RBM45: variants seen among roughly 807,000 people sequenced by gnomAD.
RBM45 encodes RNA-binding protein 45.
A neutral mutation model predicts 58.5 loss-of-function variants in RBM45; 39 were observed. That is an observed-to-expected ratio of 0.67 (90% CI 0.52 to 0.87). The LOEUF (loss-of-function observed/expected upper bound fraction) is 0.87, where lower values mean the gene tolerates loss of function less well. RBM45 is among the 40% of genes least tolerant of loss of function. The pLI is 0.00. For missense variants in RBM45, 481 were observed against 581.6 expected, an observed-to-expected ratio of 0.83 and a Z score of 1.78; for synonymous variants, 193 against 203.0, an observed-to-expected ratio of 0.95 and a Z score of 0.42.
At chr2:178,117,708 A>G (rs114886082) in intron 2 of RBM45, among the ~76,000 whole-genome samples, 80 of 152,336 alleles carry the variant, frequency 5.3e-4, no homozygotes, top group African/African-American at 1.7e-3. Context: ...AGAGAGAATA[A>G]GTAAACTGCC....
Position 178,112,566 on chromosome 2 carries a change from C to T in RBM45, c.20C>T (p.Ser7Phe). 6.2e-7 allele frequency: 1 copy of T among 1,613,390 alleles called. No homozygotes were observed. The highest frequency in any genetic ancestry group is 8.5e-7 in the Non-Finnish European group (1 of 1,179,844). Residue 7 changes from serine (S) to phenylalanine (F), a missense_variant, in exon 1 of 10, where the codon TCT (serine) becomes TTT (phenylalanine). Coordinates refer to ENST00000286070, the MANE Select transcript of RBM45 (RefSeq NM_152945.4). MDEAGS[S>F]ASGGGFRPGV... ...AGCACCATGGACGAAGCTGGCAGCT[C>T]TGCGAGCGGCGGGGGCTTCCGCCCG...
At chr2:178,117,094 G>GT (rs1574408540) in intron 2 of RBM45, among the ~76,000 whole-genome samples, 1 of 152,100 alleles carries the variant, frequency 6.6e-6, no homozygotes, top group Non-Finnish European at 1.5e-5. Flanking sequence ...TTGAATTGTA[G>GT]TTTTTTATCT....
Position 178,123,453 on chromosome 2 carries a change from A to G in RBM45, c.854-69A>G, listed in dbSNP as rs1456713909. On this transcript the variant is annotated intron_variant, in intron 5 of 9. Transcript: ENST00000286070. Reference sequence around the variant, plus strand: ...TTCTACATGGTTTCATTTTTGTGATAGATTGTAACATAGGCCTTAGGCACT... The same window carrying G: ...TTCTACATGGTTTCATTTTTGTGATGGATTGTAACATAGGCCTTAGGCACT... 5 of 1,456,592 alleles carry G rather than the reference A, an allele frequency of 3.4e-6. No individual in the cohort carries two copies. The Admixed American group carries it at 7.7e-5, about 23-fold the overall frequency. 90.2% of individuals were successfully genotyped at this position (1,456,592 alleles called of 1,614,324 possible).
Position 178,118,069 on chromosome 2 carries a change from C to A in RBM45, c.438C>A (p.Ile146=). The change falls in exon 3 of 10, where the codon ATC becomes ATA. Residue 146 remains isoleucine (I), a synonymous_variant. Coordinates refer to ENST00000286070, the MANE Select transcript of RBM45 (RefSeq NM_152945.4). ...AACTCTCTTAGGTGTATGGAGATATCGAGTATTGCAGCATTATTAAGAATA... is the reference window on the plus strand; with the variant it reads ...AACTCTCTTAGGTGTATGGAGATATAGAGTATTGCAGCATTATTAAGAATA... ...LREKFKVYGD[I]EYCSIIKNKV... 6.2e-7 allele frequency: 1 copy of A among 1,609,356 alleles called. No homozygotes were observed. Among genetic ancestry groups the A allele is most frequent in the Non-Finnish European group, 8.5e-7 (1 of 1,177,150 alleles).
intron 9 of RBM45, among the ~76,000 whole-genome samples, chr2:178,127,175 G>A (rs914315847): frequency 2.0e-5 from 3 of 152,016 alleles, no homozygotes; most frequent in Non-Finnish European, 2.9e-5. Context: ...CGCCCGCCTC[G>A]GCCTCCCAAA....
At chr2:178,119,528 G>GTTCAAA in intron 3 of RBM45, among the ~76,000 whole-genome samples, 1 of 152,186 alleles carries the variant, frequency 6.6e-6, no homozygotes, top group Non-Finnish European at 1.5e-5. Flanking sequence ...AAAAGTTCAA[G>GTTCAAA]GTTAGTCCGC....
At chr2:178,115,667 G>T (rs2087761631) in intron 1 of RBM45, among the ~76,000 whole-genome samples, 1 of 152,112 alleles carries the variant, frequency 6.6e-6, no homozygotes, top group Admixed American at 6.5e-5. Flanking sequence ...CCCTTTACCA[G>T]CAGTGGATCA....
intron 8 of RBM45, 80 bp downstream of exon 8, chr2:178,124,370 C>T (rs1048666474): frequency 6.6e-5 from 56 of 846,962 alleles, no homozygotes; most frequent in Admixed American, 4.6e-4. Flanking sequence ...CTTCCTTCAC[C>T]CAGTACCTAT....
chr2:178,134,377 C>T (rs1419129137), downstream of RBM45, among the ~76,000 whole-genome samples: 2 of 152,192 alleles, frequency 1.3e-5, no homozygotes, highest in Non-Finnish European at 2.9e-5. Context: ...AACCAAAGTG[C>T]TTCCCACCAA....
At chr2:178,131,431 C>T (rs1280800698), downstream of RBM45, among the ~76,000 whole-genome samples, 1 of 152,170 alleles carries the variant, frequency 6.6e-6, no homozygotes, top group Non-Finnish European at 1.5e-5. Flanking sequence ...CAGTTTTCCC[C>T]TATTAGAGTA....
chr2:178,121,089 C>A, intron 4 of RBM45, 91 bp from the exon 5 acceptor site: 1 of 650,704 alleles, frequency 1.5e-6, no homozygotes, highest in South Asian at 2.2e-5. Flanking sequence ...TTATTCAGTA[C>A]AATGGACTCT....
At chr2:178,123,394 C>A in intron 5 of RBM45, 128 bp from the exon 6 acceptor site, 2 of 887,566 alleles carry the variant, frequency 2.3e-6, no homozygotes, top group Non-Finnish European at 3.3e-6. Flanking sequence ...CTGATACATT[C>A]GATTCTGTAT....
chr2:178,137,535 A>C (rs1015633924), exon 4 of RBM45: 1 of 152,236 alleles, frequency 6.6e-6, no homozygotes, highest in African/African-American at 2.4e-5. Flanking sequence ...AACTTGCTAC[A>C]CTTATAATGA....
chr2:178,112,996 T>A, intron 1 of RBM45, 150 bp downstream of exon 1: 24 of 784,310 alleles, frequency 3.1e-5, no homozygotes, highest in Non-Finnish European at 4.0e-5. Context: ...CAGGGGCTGC[T>A]TTGAGGAGAG....
In RBM45 at chr2:178,121,262, A is replaced by G. The variant is rs1018142594; in HGVS notation, c.756A>G (p.Ser252=). Residue 252 remains serine (S), a synonymous_variant, in exon 5 of 10, where the codon TCA becomes TCG. Transcript: ENST00000286070. The part of the protein sequence containing the change: ...EAISKRLSVV[S]RVPFTEEQLF... ...TCTCCAAACGCTTGTCAGTTGTATC[A>G]AGAGTTCCTTTCACTGAAGAACAGC... 1 of 1,601,720 alleles carries G rather than the reference A, an allele frequency of 6.2e-7. No homozygotes were observed.
intron 1 of RBM45, among the ~76,000 whole-genome samples, chr2:178,113,094 G>C (rs1357397821): frequency 6.6e-6 from 1 of 152,112 alleles, no homozygotes; most frequent in Non-Finnish European, 1.5e-5. Context: ...CGGCAGCCGC[G>C]GCCACCGGGT....
In RBM45 at chr2:178,129,587, A is replaced by G. The variant is rs1481242327; in HGVS notation, c.*199A>G. On this transcript the variant is annotated 3_prime_UTR_variant, in exon 10 of 10. Coordinates refer to ENST00000286070, the MANE Select transcript of RBM45 (RefSeq NM_152945.4). ...TCCATACATTAATGCTAAAACGAATATAGTAGTTGTTCCTTAGAGCAATAT... is the reference window on the plus strand; with the variant it reads ...TCCATACATTAATGCTAAAACGAATGTAGTAGTTGTTCCTTAGAGCAATAT... 1 of 152,640 alleles carries G rather than the reference A, an allele frequency of 6.6e-6. No individual in the cohort carries two copies. The highest frequency in any genetic ancestry group is 1.5e-5 in the Non-Finnish European group (1 of 68,030). 9.5% of individuals were successfully genotyped at this position (152,640 alleles called of 1,614,324 possible). A position where few individuals can be genotyped will look rare whatever the true frequency, so the allele number is the denominator to read the frequency against.
Position 178,112,514 on chromosome 2 carries a change from A to G in RBM45, c.-33A>G, listed in dbSNP as rs1224738716. The G allele has an allele frequency of 6.3e-7, 1 of 1,588,282 alleles. No individual in the cohort carries two copies. Among genetic ancestry groups the G allele is most frequent in the Non-Finnish European group, 8.6e-7 (1 of 1,162,858 alleles). On this transcript the variant is annotated 5_prime_UTR_variant, in exon 1 of 10. Transcript: ENST00000286070. ...GGTGGCAGACACCGCAGAAGCAAAG[A>G]GCAGTGAGGCTCCTGCATTCGGGTG...
At chr2:178,114,841 C>T (rs1315892346) in intron 1 of RBM45, among the ~76,000 whole-genome samples, 1 of 152,176 alleles carries the variant, frequency 6.6e-6, no homozygotes, top group Non-Finnish European at 1.5e-5. Context: ...AAGTGAGCCT[C>T]CCGTTTCATC....
Sources: allele counts gnomAD v4.1 joint callset (sites outside exome capture counted in the v4.1 genomes callset), GRCh38; gene constraint gnomAD v4.1.1; transcripts MANE v1.5; gene names NCBI Gene and HGNC (gene_info 2026-07-23, HGNC 2026-07-21).